The following LDB3 variants were observed in gnomAD, a reference collection of about 807,000 sequenced individuals.
LDB3 encodes the protein LIM domain binding 3.
Under a neutral mutation model 69.0 loss-of-function variants are expected in LDB3, and 49 were observed. The ratio of observed to expected loss-of-function variants is 0.71; its 90% CI spans 0.56 to 0.90. The LOEUF (loss-of-function observed/expected upper bound fraction) is 0.90, where lower values mean the gene tolerates loss of function less well. Ranked by LOEUF, LDB3 falls within the 40% of genes least tolerant of loss-of-function variation. The probability of loss-of-function intolerance (pLI) is 0.00; values close to 1 mark genes in which losing one functional copy is unlikely to be tolerated. For missense variants in LDB3, 928 were observed against 974.1 expected, an observed-to-expected ratio of 0.95 and a Z score of 0.63; for synonymous variants, 387 against 396.2, an observed-to-expected ratio of 0.98 and a Z score of 0.28.
intron 13 of LDB3, among the ~76,000 whole-genome samples, chr10:86,730,344 C>T (rs1315067561): frequency 1.3e-5 from 2 of 152,186 alleles, no homozygotes; most frequent in Non-Finnish European, 2.9e-5. Flanking sequence ...CCCAATTCTG[C>T]CCCCCAGCAG....
At chr10:86,694,366 G>A (rs113714550) in intron 7 of LDB3, among the ~76,000 whole-genome samples, 1 of 152,114 alleles carries the variant, frequency 6.6e-6, no homozygotes, top group African/African-American at 2.4e-5. Context: ...GTTTGGTTCA[G>A]CCTCAGCAAA....
intron 2 of LDB3, among the ~76,000 whole-genome samples, chr10:86,676,920 C>T (rs940641360): frequency 6.6e-6 from 1 of 152,264 alleles, no homozygotes; most frequent in African/African-American, 2.4e-5. Flanking sequence ...GGGCAAGGGA[C>T]TGTCCCCAGA....
chr10:86,714,069 C>T (rs1408582096), intron 9 of LDB3, among the ~76,000 whole-genome samples: 1 of 152,232 alleles, frequency 6.6e-6, no homozygotes, highest in East Asian at 1.9e-4. Flanking sequence ...TTTAGTGACA[C>T]ACTATGCCAG....
At chr10:86,720,253 T>C (rs1021415219) in intron 12 of LDB3, among the ~76,000 whole-genome samples, 2 of 152,194 alleles carry the variant, frequency 1.3e-5, no homozygotes, top group African/African-American at 4.8e-5. Context: ...AAGACCAGCC[T>C]GGCCAAAATG....
At chr10:86,722,301 C>G (rs1847105371) in intron 12 of LDB3, among the ~76,000 whole-genome samples, 1 of 152,198 alleles carries the variant, frequency 6.6e-6, no homozygotes. Flanking sequence ...CGCTCTGTTG[C>G]CCAGGCTGGA....
intron 12 of LDB3, among the ~76,000 whole-genome samples, chr10:86,722,462 A>G (rs184889852): frequency 1.3e-3 from 192 of 149,142 alleles, no homozygotes; most frequent in East Asian, 3.2e-3. Context: ...GGGTTTCACC[A>G]TGTTAGCCAG....
chr10:86,677,986 G>A (rs755356176), intron 2 of LDB3, among the ~76,000 whole-genome samples: 2 of 152,122 alleles, frequency 1.3e-5, no homozygotes, highest in Non-Finnish European at 2.9e-5. Flanking sequence ...AGCTTTGCAG[G>A]GTGCAGGGGT....
chr10:86,721,235 G>A (rs4934253), intron 12 of LDB3, among the ~76,000 whole-genome samples: 8,355 of 152,278 alleles, frequency 0.055, 345 homozygotes, highest in Non-Finnish European at 0.073. Context: ...GCAAACACTT[G>A]TTATTTTCTG....
At chr10:86,729,612 G>C (rs1847387351) in intron 13 of LDB3, among the ~76,000 whole-genome samples, 1 of 152,174 alleles carries the variant, frequency 6.6e-6, no homozygotes. Context: ...CACAGAGCCT[G>C]GGGGTTGGAC....
rs546887989 is a variant in LDB3, at chr10:86,687,064, C to T, written c.690-4832C>T. ...CCTGCCCGTACTCCCGCACCCCTCC[C>T]CCAGCGCCGACTACCAGGAACGCTT... is the stretch of plus-strand genomic sequence containing the variant. On this transcript the variant is annotated intron_variant, in intron 5 of 13. Coordinates refer to ENST00000361373, the MANE Select transcript of LDB3 (RefSeq NM_007078.3). The T allele has an allele frequency of 3.1e-6, 5 of 1,613,908 alleles. No homozygotes were observed. The South Asian group carries it at 3.3e-5, about 11-fold the overall frequency.
chr10:86,711,109 A>G (rs11202135), intron 9 of LDB3, among the ~76,000 whole-genome samples: 3,334 of 152,316 alleles, frequency 0.022, 61 homozygotes, highest in South Asian at 0.076. Flanking sequence ...AGAGACTGGG[A>G]ACACAGGGAG....
Position 86,699,504 on chromosome 10 carries a change from C to T in LDB3, c.896+6933C>T. ...ACTCTGCTGGGGGCACCTCTGATGG[C>T]CAACCGCAGCATTTCTGTCCTCTGC... On this transcript the variant is annotated intron_variant, in intron 7 of 13. Transcript: ENST00000361373. This position sits in a 1 kb window ranked among gnomAD's most constrained non-coding sequence, Gnocchi z 4.9. 1 of 1,532,454 alleles carries T rather than the reference C, an allele frequency of 6.5e-7. No homozygotes were observed. Among genetic ancestry groups the T allele is most frequent in the South Asian group, 1.2e-5 (1 of 83,468 alleles). The allele number at this position is 1,532,454 out of a possible 1,614,324, so 94.9% of individuals were successfully genotyped here. A position where few individuals can be genotyped will look rare whatever the true frequency, so the allele number is the denominator to read the frequency against.
chr10:86,670,748 A>G (rs1298081917), intron 2 of LDB3, among the ~76,000 whole-genome samples: 2 of 152,170 alleles, frequency 1.3e-5, no homozygotes, highest in Non-Finnish European at 2.9e-5. Context: ...GCACCGGGGG[A>G]TGGGCATGAT....
intron 6 of LDB3, 84 bp from the exon 7 acceptor site, chr10:86,692,450 TG>T: frequency 1.5e-6 from 2 of 1,360,852 alleles, no homozygotes; most frequent in Non-Finnish European, 1.1e-6. Context: ...GGCTGAATCC[TG>T]GGGACTCAGT....
intron 5 of LDB3, among the ~76,000 whole-genome samples, chr10:86,685,456 G>A (rs1390955154): frequency 1.3e-5 from 2 of 152,186 alleles, no homozygotes; most frequent in East Asian, 1.9e-4. Flanking sequence ...CCCTCAAGAG[G>A]GAAACATTGC....
intron 5 of LDB3, chr10:86,685,798 G>A: frequency 7.4e-7 from 1 of 1,347,222 alleles, no homozygotes; most frequent in Non-Finnish European, 1.1e-6. Context: ...GCTGGCATGT[G>A]TACATGTATG....
At chr10:86,684,747 A>C (rs1394360016) in intron 5 of LDB3, among the ~76,000 whole-genome samples, 1 of 152,218 alleles carries the variant, frequency 6.6e-6, no homozygotes, top group African/African-American at 2.4e-5. Context: ...CACACTGGGC[A>C]GATTCAAGAA....
rs774710554 is a variant in LDB3 at position 86,736,048 on chromosome 10, GC to G, written c.*3078del. On this transcript the variant is annotated 3_prime_UTR_variant, in exon 14 of 14. Coordinates refer to ENST00000361373, the MANE Select transcript of LDB3 (RefSeq NM_007078.3). ...AATTCTACTTTTTAGCAAAAATAAA[GC>G]CCCCCAAAGGATGTGCAAATACAGA... is the stretch of plus-strand genomic sequence containing the variant. 6.6e-6 allele frequency: 1 copy of G among 151,236 alleles called. No individual in the cohort carries two copies. Among genetic ancestry groups the G allele is most frequent in the South Asian group, 2.1e-4 (1 of 4,800 alleles). 9.4% of individuals were successfully genotyped at this position (151,236 alleles called of 1,614,324 possible).
intron 9 of LDB3, among the ~76,000 whole-genome samples, chr10:86,715,795 A>G (rs1846845192): frequency 6.6e-6 from 1 of 152,132 alleles, no homozygotes; most frequent in South Asian, 2.1e-4. Context: ...CAAGAAAGTA[A>G]TTGTAGCTAA....
Sources: gnomAD v4.1 joint callset for allele counts (sites outside exome capture counted in the v4.1 genomes callset) on GRCh38, gnomAD v4.1.1 for gene constraint, Gnocchi (gnomAD v3.1) non-coding constraint, MANE v1.5 for transcripts, NCBI Gene and HGNC (gene_info 2026-07-23, HGNC 2026-07-21) for gene names.